The following N4BP2L1 variants were observed in gnomAD, a reference collection of about 807,000 sequenced individuals.
The protein encoded by N4BP2L1 is NEDD4-binding protein 2-like 1.
In N4BP2L1, 12 loss-of-function variants were observed where a neutral mutation model predicts 21.2. That is an observed-to-expected ratio of 0.57 (90% CI 0.36 to 0.92). N4BP2L1 has a LOEUF of 0.92. N4BP2L1 is among the 40% of genes least tolerant of loss of function. The probability of loss-of-function intolerance (pLI) is 0.01; values close to 1 mark genes in which losing one functional copy is unlikely to be tolerated. For missense variants in N4BP2L1, 259 were observed against 310.6 expected (o/e 0.83, Z 1.25); for synonymous variants, 104 against 112.8 (o/e 0.92, Z 0.49).
intron 2 of N4BP2L1, 33 bp downstream of exon 2, chr13:32,407,612 G>T: frequency 1.9e-6 from 3 of 1,610,350 alleles, no homozygotes; most frequent in Non-Finnish European, 8.5e-7. Flanking sequence ...TGCACATCAG[G>T]GTTTCCCAGG....
rs548969092 is a variant in N4BP2L1 at position 32,411,134 on chromosome 13, A to G, written c.180-3362T>C. 3.5e-4 allele frequency among the ~76,000 whole-genome samples: 53 copies of G among 152,332 alleles called. 1 individual carries two copies. In the South Asian group the frequency reaches 9.1e-3, roughly 26 times the overall value. On this transcript the variant is annotated intron_variant, in intron 1 of 4. Transcript: ENST00000380130. Reference sequence around the variant, plus strand: ...TCCTATTTCCTTCTAGAAAACAAAAACAGCACATAACACTACTGCCCTTTT... The same window carrying G: ...TCCTATTTCCTTCTAGAAAACAAAAGCAGCACATAACACTACTGCCCTTTT...
intron 3 of N4BP2L1, chr13:32,406,968 G>A (rs2073553073): frequency 2.3e-6 from 1 of 426,912 alleles, no homozygotes; most frequent in African/African-American, 2.0e-5. Context: ...CCTTGCCGTA[G>A]GAAAGTAATT....
intron 1 of N4BP2L1, among the ~76,000 whole-genome samples, chr13:32,413,440 A>C (rs1281202035): frequency 1.3e-5 from 2 of 152,128 alleles, no homozygotes; most frequent in Admixed American, 1.3e-4. Flanking sequence ...ACCCAGATTA[A>C]ATGTTTTTTA....
rs999520423 is a variant in N4BP2L1, at chr13:32,418,867, G to A, written c.179+9037C>T. Reference sequence around the variant, plus strand: ...TTGTTTTGGCCAATTTCTTCCATTTGGAATAGGTGTATTTACCCAATGCCT... The same window carrying A: ...TTGTTTTGGCCAATTTCTTCCATTTAGAATAGGTGTATTTACCCAATGCCT... On this transcript the variant is annotated intron_variant, in intron 1 of 4. Coordinates refer to ENST00000380130, the MANE Select transcript of N4BP2L1 (RefSeq NM_052818.3). Among the ~76,000 whole-genome samples, 7 of 152,284 alleles carry A rather than the reference G, an allele frequency of 4.6e-5. No individual in the cohort carries two copies. In the East Asian group the frequency reaches 1.2e-3, roughly 25 times the overall value.
At chr13:32,415,642 A>C (rs1253565847) in intron 1 of N4BP2L1, among the ~76,000 whole-genome samples, 1 of 152,078 alleles carries the variant, frequency 6.6e-6, no homozygotes, top group Admixed American at 6.6e-5. Context: ...TTCTTAACCA[A>C]CTTCCTTCGT....
chr13:32,423,640 A>C (rs1168324031), intron 1 of N4BP2L1, among the ~76,000 whole-genome samples: 1 of 152,248 alleles, frequency 6.6e-6, no homozygotes, highest in Non-Finnish European at 1.5e-5. Flanking sequence ...AACATGGATG[A>C]ACCTTGAAAA....
At chr13:32,427,799 G>A (rs1398614227) in intron 1 of N4BP2L1, 105 bp downstream of exon 1, 4 of 673,636 alleles carry the variant, frequency 5.9e-6, no homozygotes, top group South Asian at 1.4e-4. Context: ...CACCCGCGGC[G>A]GGGGCGCAAG....
chr13:32,412,360 C>G (rs937247036), intron 1 of N4BP2L1, among the ~76,000 whole-genome samples: 3 of 142,880 alleles, frequency 2.1e-5, no homozygotes, highest in African/African-American at 7.5e-5. Flanking sequence ...GGCGCGGTGG[C>G]TCACATTTGT....
upstream of N4BP2L1, chr13:32,428,161 A>G (rs2074909661): frequency 1.5e-6 from 2 of 1,334,120 alleles, no homozygotes; most frequent in East Asian, 5.6e-5. Context: ...TGTTTTTGTG[A>G]CTCTCCGGCC....
At chr13:32,429,068 G>T (rs558544782), upstream of N4BP2L1, among the ~76,000 whole-genome samples, 2 of 152,360 alleles carry the variant, frequency 1.3e-5, no homozygotes, top group Admixed American at 1.3e-4. Context: ...AATATATGGT[G>T]GCTTTGGCTA....
At position 32,407,586 on chromosome 13, in the gene N4BP2L1, G is replaced by A. The variant is rs756123649; in HGVS notation, c.307+59C>T. On this transcript the variant is annotated intron_variant, in intron 2 of 4. Transcript: ENST00000380130. ...TTCCATAAAATTTATTCATTCTGCA[G>A]CAGCTACAATCTATGTGCACATCAG... The A allele has an allele frequency of 1.4e-5, 23 of 1,607,244 alleles. No homozygotes were observed. In the South Asian group the frequency reaches 2.5e-4, roughly 18 times the overall value.
At chr13:32,404,149 A>G (rs1430742469) in intron 4 of N4BP2L1, 172 bp downstream of exon 4, 26 of 1,608,214 alleles carry the variant, frequency 1.6e-5, no homozygotes, top group Non-Finnish European at 2.2e-5. Context: ...AAACTGACCC[A>G]AAACTAAAGT....
chr13:32,420,913 T>C (rs960779414), intron 1 of N4BP2L1, among the ~76,000 whole-genome samples: 2 of 152,200 alleles, frequency 1.3e-5, no homozygotes, highest in African/African-American at 4.8e-5. Context: ...CAGGATGGTC[T>C]CGAACTCCTG....
intron 1 of N4BP2L1, among the ~76,000 whole-genome samples, chr13:32,418,431 A>T (rs1377983878): frequency 6.6e-6 from 1 of 152,236 alleles, no homozygotes; most frequent in African/African-American, 2.4e-5. Context: ...CTGGATTTCC[A>T]GGCAGAGGTG....
At chr13:32,415,017 A>G (rs1318190634) in intron 1 of N4BP2L1, among the ~76,000 whole-genome samples, 3 of 152,254 alleles carry the variant, frequency 2.0e-5, no homozygotes, top group Non-Finnish European at 4.4e-5. Flanking sequence ...GTGGGTTCAC[A>G]TGCATTGAAC....
At position 32,407,632 on chromosome 13, in the gene N4BP2L1, A is replaced by G. The variant is rs1048915811; in HGVS notation, c.307+13T>C. Reference sequence around the variant, plus strand: ...ATCAGGGTTTCCCAGGAGTTTGGGAAGGAATTTGTCACCTCTTTTTTGGTT... The same window carrying G: ...ATCAGGGTTTCCCAGGAGTTTGGGAGGGAATTTGTCACCTCTTTTTTGGTT... On this transcript the variant is annotated intron_variant, in intron 2 of 4. Coordinates refer to ENST00000380130, the MANE Select transcript of N4BP2L1 (RefSeq NM_052818.3). 1.2e-6 allele frequency: 2 copies of G among 1,612,336 alleles called. No individual in the cohort carries two copies. Among genetic ancestry groups the G allele is most frequent in the African/African-American group, 2.7e-5 (2 of 74,938 alleles).
chr13:32,428,474 C>T (rs2138049867), upstream of N4BP2L1, among the ~76,000 whole-genome samples: 2 of 152,256 alleles, frequency 1.3e-5, no homozygotes, highest in South Asian at 4.2e-4. Flanking sequence ...CTGCCTAGAC[C>T]CTGAAAGTGA....
intron 1 of N4BP2L1, among the ~76,000 whole-genome samples, chr13:32,417,143 G>C (rs1043659407): frequency 1.3e-5 from 2 of 152,170 alleles, no homozygotes; most frequent in African/African-American, 4.8e-5. Context: ...GTCCCAAGCT[G>C]TGTGAGAATT....
intron 1 of N4BP2L1, among the ~76,000 whole-genome samples, chr13:32,418,399 T>C (rs144363623): frequency 0.044 from 6,695 of 152,228 alleles, 243 homozygotes; most frequent in African/African-American, 0.11. Context: ...CCACTTAGAT[T>C]TCAGAAGATG....
Sources: allele counts gnomAD v4.1 joint callset (sites outside exome capture counted in the v4.1 genomes callset), GRCh38; gene constraint gnomAD v4.1.1; transcripts MANE v1.5; gene names NCBI Gene and HGNC (gene_info 2026-07-23, HGNC 2026-07-21).